The following SYN3 variants were observed in gnomAD, a reference collection of about 807,000 sequenced individuals.
SYN3 encodes the protein synapsin-3.
A neutral mutation model predicts 65.8 loss-of-function variants in SYN3; 35 were observed. That is an observed-to-expected ratio of 0.53 (90% CI 0.41 to 0.70). The LOEUF (loss-of-function observed/expected upper bound fraction) is 0.70. Ranked by LOEUF, SYN3 falls within the 30% of genes least tolerant of loss-of-function variation. The pLI is 0.00. For synonymous variants in SYN3, 270 were observed against 292.9 expected (o/e 0.92, Z 0.80); for missense variants, 680 against 749.0 (o/e 0.91, Z 1.08).
At chr22:32,696,624 C>A (rs1426958425) in intron 6 of SYN3, among the ~76,000 whole-genome samples, 7 of 152,188 alleles carry the variant, frequency 4.6e-5, no homozygotes, top group Non-Finnish European at 8.8e-5. Flanking sequence ...TATTTTCCAG[C>A]ACCCAGCATG....
At chr22:32,519,084 G>A (rs576033243) in intron 12 of SYN3, among the ~76,000 whole-genome samples, 4 of 152,132 alleles carry the variant, frequency 2.6e-5, no homozygotes, top group Non-Finnish European at 5.9e-5. Context: ...AACCCTGCTA[G>A]CACCTTGATC....
intron 6 of SYN3, among the ~76,000 whole-genome samples, chr22:32,744,227 T>C (rs1340226331): frequency 2.0e-5 from 3 of 152,150 alleles, no homozygotes; most frequent in East Asian, 1.9e-4. Context: ...CTTTCCCTCG[T>C]TGGGGACTCA....
intron 2 of SYN3, among the ~76,000 whole-genome samples, chr22:32,992,066 A>T (rs1201625422): frequency 6.6e-6 from 1 of 151,886 alleles, no homozygotes; most frequent in African/African-American, 2.4e-5. Flanking sequence ...TTTGGAAAAA[A>T]GGTCACTTGG....
chr22:32,766,150 C>G (rs1290633099), intron 6 of SYN3, among the ~76,000 whole-genome samples: 1 of 152,024 alleles, frequency 6.6e-6, no homozygotes, highest in African/African-American at 2.4e-5. Context: ...GGGAGAAAGA[C>G]TGGGGCGTGG....
intron 3 of SYN3, among the ~76,000 whole-genome samples, chr22:32,975,954 T>C (rs1045052172): frequency 6.6e-6 from 1 of 152,238 alleles, no homozygotes; most frequent in African/African-American, 2.4e-5. Context: ...CTGGTCTTTA[T>C]GGTCAATATC....
At chr22:32,928,751 T>C (rs1170938811) in intron 4 of SYN3, among the ~76,000 whole-genome samples, 1 of 152,230 alleles carries the variant, frequency 6.6e-6, no homozygotes. Context: ...GTCTCTGCTC[T>C]ATTCTCTTTT....
At chr22:32,783,321 T>C (rs1398995284) in intron 6 of SYN3, 2 of 152,214 alleles carry the variant, frequency 1.3e-5, no homozygotes, top group African/African-American at 4.8e-5. Context: ...TGGAGTACAC[T>C]TGCTTCATCT....
At chr22:32,930,836 A>T (rs1026475620) in intron 4 of SYN3, among the ~76,000 whole-genome samples, 2 of 152,108 alleles carry the variant, frequency 1.3e-5, no homozygotes, top group African/African-American at 4.8e-5. Context: ...GAAACCCCTC[A>T]CTTGCTCTCC....
intron 7 of SYN3, among the ~76,000 whole-genome samples, chr22:32,555,325 G>A (rs1275869783): frequency 6.6e-6 from 1 of 152,194 alleles, no homozygotes; most frequent in East Asian, 1.9e-4. Flanking sequence ...AAGGAGTGAG[G>A]CCAAGATCCT....
At chr22:32,619,731 C>G (rs1364245456) in intron 6 of SYN3, among the ~76,000 whole-genome samples, 1 of 152,198 alleles carries the variant, frequency 6.6e-6, no homozygotes, top group Non-Finnish European at 1.5e-5. Context: ...CCCTTTGAAT[C>G]TGGGCTGGCC....
intron 6 of SYN3, among the ~76,000 whole-genome samples, chr22:32,814,079 C>A (rs1468970835): frequency 7.2e-6 from 1 of 139,848 alleles, no homozygotes; most frequent in Non-Finnish European, 1.5e-5. Context: ...TTGAGAAAGA[C>A]AGCATTCCAG....
At position 32,802,083 on chromosome 22, in the gene SYN3, C is replaced by T; in HGVS notation, c.711+62832G>A. 3.2e-6 allele frequency: 5 copies of T among 1,577,744 alleles called. No homozygotes were observed. Among genetic ancestry groups the T allele is most frequent in the Non-Finnish European group, 4.3e-6 (5 of 1,166,886 alleles). On this transcript the variant is annotated intron_variant, in intron 6 of 13. Transcript: ENST00000358763. ...GGGCGCCGAGGCGTGCACATGCTCG[C>T]CCAGCCACCCCCAGGACGCCTTCTG... is the stretch of plus-strand genomic sequence containing the variant.
At chr22:32,579,950 G>C (rs891116611) in intron 7 of SYN3, among the ~76,000 whole-genome samples, 2 of 152,234 alleles carry the variant, frequency 1.3e-5, no homozygotes, top group Non-Finnish European at 2.9e-5. Context: ...CCGTGAAATT[G>C]AATGGAGGGG....
chr22:32,528,054 C>T (rs1419264517), intron 11 of SYN3, 49 bp from the exon 12 acceptor site: 1 of 1,400,052 alleles, frequency 7.1e-7, no homozygotes, highest in African/African-American at 1.5e-5. Flanking sequence ...CAGCCCTTTA[C>T]TTCCTGGGTG....
chr22:33,021,008 A>G (rs2053550832), intron 1 of SYN3, among the ~76,000 whole-genome samples: 1 of 152,198 alleles, frequency 6.6e-6, no homozygotes, highest in Admixed American at 6.5e-5. Context: ...ATGGTAAACA[A>G]TCTGTGTCAG....
At chr22:32,606,388 G>A (rs963468162) in intron 6 of SYN3, among the ~76,000 whole-genome samples, 1 of 152,210 alleles carries the variant, frequency 6.6e-6, no homozygotes, top group Non-Finnish European at 1.5e-5. Context: ...ACCTTGCTGT[G>A]TAGCATCTGA....
chr22:32,642,823 C>T (rs1053621130), intron 6 of SYN3, among the ~76,000 whole-genome samples: 13 of 152,162 alleles, frequency 8.5e-5, no homozygotes, highest in Admixed American at 3.3e-4. Flanking sequence ...CTCTCAAATA[C>T]TGGGATTACA....
At chr22:32,996,074 A>G (rs1331347563) in intron 2 of SYN3, among the ~76,000 whole-genome samples, 1 of 152,120 alleles carries the variant, frequency 6.6e-6, no homozygotes, top group Non-Finnish European at 1.5e-5. Flanking sequence ...GGGCAACTGA[A>G]TATTTTCTAA....
At chr22:32,650,092 CCAT>C (rs2146942138) in intron 6 of SYN3, among the ~76,000 whole-genome samples, 1 of 152,176 alleles carries the variant, frequency 6.6e-6, no homozygotes, top group African/African-American at 2.4e-5. Context: ...GTGAGTTATC[CCAT>C]CATAAGACAG....
Sources: allele counts gnomAD v4.1 joint callset (sites outside exome capture counted in the v4.1 genomes callset), GRCh38; gene constraint gnomAD v4.1.1; transcripts MANE v1.5; gene names NCBI Gene and HGNC (gene_info 2026-07-23, HGNC 2026-07-21).